Variants in INHBC observed in about 807,000 individuals in gnomAD.
The protein encoded by INHBC is inhibin beta C chain.
INHBC carries 10 observed loss-of-function variants against 12.4 expected under a neutral mutation model. That is an observed-to-expected ratio of 0.81 (90% CI 0.50 to 1.37). The LOEUF (loss-of-function observed/expected upper bound fraction) is 1.37. Ranked by LOEUF, INHBC falls within the 40% of genes most tolerant of loss-of-function variation. The pLI is 0.00. For synonymous variants in INHBC, 147 were observed against 171.6 expected (o/e 0.86, Z 1.12); for missense variants, 382 against 439.4 (o/e 0.87, Z 1.17).
chr12:57,441,885 T>G (rs1187055157), intron 1 of INHBC, among the ~76,000 whole-genome samples: 1 of 152,116 alleles, frequency 6.6e-6, no homozygotes, highest in Non-Finnish European at 1.5e-5. Context: ...TTCACCATGT[T>G]GGACAGGCTG....
In INHBC at chr12:57,444,683, A is replaced by G. The variant is rs188750362; in HGVS notation, c.314-4594A>G. ...ATTTTATTTTATTACGTTTTATTCTATTTTATTTCATTTTTGAGACAGCCT... is the reference window on the plus strand; with the variant it reads ...ATTTTATTTTATTACGTTTTATTCTGTTTTATTTCATTTTTGAGACAGCCT... On this transcript the variant is annotated intron_variant, in intron 1 of 1. Transcript: ENST00000309668. Among the ~76,000 whole-genome samples the G allele has an allele frequency of 2.0e-3, 297 of 151,958 alleles. 1 individual carries two copies. Among genetic ancestry groups the G allele is most frequent in the Admixed American group, 4.8e-3 (73 of 15,224 alleles).
At chr12:57,443,440 A>C (rs933663825) in intron 1 of INHBC, among the ~76,000 whole-genome samples, 1 of 151,772 alleles carries the variant, frequency 6.6e-6, no homozygotes, top group Non-Finnish European at 1.5e-5. Flanking sequence ...ATGCGCCACC[A>C]CGCCCGGCTA....
intron 1 of INHBC, among the ~76,000 whole-genome samples, chr12:57,440,297 T>C (rs1019643626): frequency 6.6e-6 from 1 of 151,974 alleles, no homozygotes; most frequent in Non-Finnish European, 1.5e-5. Context: ...TTTAGAAATA[T>C]TTTCTCTAAA....
intron 1 of INHBC, 127 bp downstream of exon 1, chr12:57,435,326 A>C: frequency 1.1e-6 from 1 of 907,992 alleles, no homozygotes; most frequent in Non-Finnish European, 1.6e-6. Flanking sequence ...ACAGGCTATA[A>C]TCTCCTTACC....
At position 57,450,223 on chromosome 12, in the gene INHBC, C is replaced by T. The variant is rs1870683408; in HGVS notation, c.*201C>T. The T allele has an allele frequency of 2.0e-6, 1 of 505,804 alleles. No homozygotes were observed. 31.3% of individuals were successfully genotyped at this position (505,804 alleles called of 1,614,324 possible). A position where few individuals can be genotyped will look rare whatever the true frequency, so the allele number is the denominator to read the frequency against. ...AGTCACTGTGCCATCTTCCTGACCACTACCCTCTTTCCTAGGGCATAGTCC... is the reference window on the plus strand; with the variant it reads ...AGTCACTGTGCCATCTTCCTGACCATTACCCTCTTTCCTAGGGCATAGTCC... On this transcript the variant is annotated 3_prime_UTR_variant, in exon 2 of 2. Coordinates refer to ENST00000309668, the MANE Select transcript of INHBC (RefSeq NM_005538.4).
At position 57,449,680 on chromosome 12, in the gene INHBC, C is replaced by T; in HGVS notation, c.717C>T (p.Asp239=). 1.2e-6 allele frequency: 2 copies of T among 1,614,274 alleles called. No homozygotes were observed. Among genetic ancestry groups the T allele is most frequent in the Non-Finnish European group, 1.7e-6 (2 of 1,180,048 alleles). ...ACCAGATTCACCGACGAGGCATCGACTGCCAAGGAGGGTCCAGGATGTGCT... is the reference window on the plus strand; with the variant it reads ...ACCAGATTCACCGACGAGGCATCGATTGCCAAGGAGGGTCCAGGATGTGCT... ...GKHQIHRRGI[D]CQGGSRMCCR... is the part of the protein sequence containing the mutation. Residue 239 remains aspartate (D), a synonymous_variant, in exon 2 of 2, where the codon GAC becomes GAT. Coordinates refer to ENST00000309668, the MANE Select transcript of INHBC (RefSeq NM_005538.4).
At chr12:57,437,465 C>T (rs556256107) in intron 1 of INHBC, among the ~76,000 whole-genome samples, 70 of 151,674 alleles carry the variant, frequency 4.6e-4, no homozygotes, top group Non-Finnish European at 9.4e-4. Context: ...GTCAGGAGAT[C>T]GAGACCATCC....
rs769752683 is a variant in INHBC, at chr12:57,449,812, C to T, written c.849C>T (p.His283=). 10 of 1,613,536 alleles carry T rather than the reference C, an allele frequency of 6.2e-6. No homozygotes were observed. The South Asian group carries it at 7.7e-5, about 12-fold the overall frequency. The change falls in exon 2 of 2, where the codon CAC becomes CAT. Residue 283 remains histidine, a synonymous_variant. Coordinates refer to ENST00000309668, the MANE Select transcript of INHBC (RefSeq NM_005538.4). ...MNFCIGQCPL[H]IAGMPGIAAS... ...TCTGCATAGGGCAGTGCCCACTACA[C>T]ATAGCAGGCATGCCTGGTATTGCTG...
In INHBC at chr12:57,451,637, C is replaced by T. The variant is rs906850480; in HGVS notation, c.*1615C>T. ...GTCTGTGTTTGCTCAGTTTATGACCCCCTCCTATGAGGGTAAGAGGTCCCT... is the reference window on the plus strand; with the variant it reads ...GTCTGTGTTTGCTCAGTTTATGACCTCCTCCTATGAGGGTAAGAGGTCCCT... On this transcript the variant is annotated 3_prime_UTR_variant, in exon 2 of 2. Transcript: ENST00000309668. Among the ~76,000 whole-genome samples the T allele has an allele frequency of 3.9e-5, 6 of 152,154 alleles. No individual in the cohort carries two copies. Among genetic ancestry groups the T allele is most frequent in the African/African-American group, 1.4e-4 (6 of 41,424 alleles).
At chr12:57,436,644 C>G (rs1337796419) in intron 1 of INHBC, among the ~76,000 whole-genome samples, 1 of 151,440 alleles carries the variant, frequency 6.6e-6, no homozygotes, top group African/African-American at 2.4e-5. Flanking sequence ...TCATGCCTGG[C>G]TAATTTTTTT....
intron 1 of INHBC, among the ~76,000 whole-genome samples, chr12:57,440,739 T>G (rs751134732): frequency 6.6e-6 from 1 of 152,210 alleles, no homozygotes; most frequent in Non-Finnish European, 1.5e-5. Context: ...TTAGCTAAAT[T>G]CACAACTTTG....
At chr12:57,436,445 G>A (rs1416146696) in intron 1 of INHBC, among the ~76,000 whole-genome samples, 1 of 149,002 alleles carries the variant, frequency 6.7e-6, no homozygotes, top group Non-Finnish European at 1.5e-5. Context: ...TTACAAGTGT[G>A]AGCCACTGTG....
chr12:57,443,181 G>A (rs1251412521), intron 1 of INHBC, among the ~76,000 whole-genome samples: 3 of 133,082 alleles, frequency 2.3e-5, no homozygotes, highest in African/African-American at 8.5e-5. Flanking sequence ...GCAGTGGTGC[G>A]ACCTCGGCTC....
rs61666765 is a variant in INHBC at position 57,435,288 on chromosome 12, C to T, written c.313+89C>T. The T allele has an allele frequency of 2.9e-4, 366 of 1,267,944 alleles. 2 individuals are homozygous for T. In the East Asian group the frequency reaches 9.1e-3, roughly 32 times the overall value. The allele number at this position is 1,267,944 out of a possible 1,614,324, so 78.5% of individuals were successfully genotyped here. A position where few individuals can be genotyped will look rare whatever the true frequency, so the allele number is the denominator to read the frequency against. On this transcript the variant is annotated intron_variant, in intron 1 of 1. Coordinates refer to ENST00000309668, the MANE Select transcript of INHBC (RefSeq NM_005538.4). ...CGCCAGACTTACCTCTGACTCCTTCCCCAAAAACCATCCAACCCCTGCTTC... is the reference window on the plus strand; with the variant it reads ...CGCCAGACTTACCTCTGACTCCTTCTCCAAAAACCATCCAACCCCTGCTTC...
intron 1 of INHBC, among the ~76,000 whole-genome samples, chr12:57,445,783 C>T (rs1447601999): frequency 4.2e-5 from 6 of 144,054 alleles, no homozygotes; most frequent in African/African-American, 1.5e-4. Flanking sequence ...CTCTGTCATC[C>T]AGGCTAGAGT....
chr12:57,444,084 A>G, intron 1 of INHBC, among the ~76,000 whole-genome samples: 1 of 152,192 alleles, frequency 6.6e-6, no homozygotes, highest in South Asian at 2.1e-4. Context: ...GGTGTGAGCC[A>G]CCACACCTGG....
At position 57,434,837 on chromosome 12, in the gene INHBC, G is replaced by A. The variant is rs764497303; in HGVS notation, c.-50G>A. The stretch of plus-strand genomic sequence containing the variant: ...GGACAGAGTTGAGACCACAGCTGTT[G>A]AGACCCTGAGCCCTGAGTCTGTATT... On this transcript the variant is annotated 5_prime_UTR_variant, in exon 1 of 2. Transcript: ENST00000309668. The A allele has an allele frequency of 4.6e-6, 7 of 1,531,890 alleles. No homozygotes were observed. The East Asian group carries it at 1.6e-4, about 35-fold the overall frequency. 94.9% of individuals were successfully genotyped at this position (1,531,890 alleles called of 1,614,324 possible).
intron 1 of INHBC, among the ~76,000 whole-genome samples, chr12:57,442,074 G>T (rs1870477468): frequency 6.6e-6 from 1 of 152,150 alleles, no homozygotes; most frequent in Non-Finnish European, 1.5e-5. Flanking sequence ...TTCATTTGGG[G>T]ACTCAGATGG....
intron 1 of INHBC, among the ~76,000 whole-genome samples, chr12:57,436,746 A>C (rs1870350428): frequency 6.6e-6 from 1 of 151,522 alleles, no homozygotes; most frequent in African/African-American, 2.4e-5. Flanking sequence ...GGCTCACTGC[A>C]AGCTCCACCT....
Sources: gnomAD v4.1 joint callset for allele counts (sites outside exome capture counted in the v4.1 genomes callset) on GRCh38, gnomAD v4.1.1 for gene constraint, MANE v1.5 for transcripts, NCBI Gene and HGNC (gene_info 2026-07-23, HGNC 2026-07-21) for gene names.